NCR3LG1: variants seen among roughly 807,000 people sequenced by gnomAD.
NCR3LG1 encodes natural cytotoxicity triggering receptor 3 ligand 1.
In NCR3LG1, 35 loss-of-function variants were observed where a neutral mutation model predicts 34.8. The observed-to-expected ratio is 1.01, with a 90% CI of 0.77 to 1.33. The LOEUF is 1.33. Among genes scored for constraint, NCR3LG1 ranks in the 40% most tolerant of loss-of-function variants. NCR3LG1 has a pLI of 0.00. For synonymous variants in NCR3LG1, 173 were observed against 163.6 expected, an observed-to-expected ratio of 1.06 and a Z score of -0.44; for missense variants, 452 against 423.3, an observed-to-expected ratio of 1.07 and a Z score of -0.60.
At chr11:17,370,446 A>G (rs942675742) in intron 4 of NCR3LG1, among the ~76,000 whole-genome samples, 1 of 152,222 alleles carries the variant, frequency 6.6e-6, no homozygotes, top group African/African-American at 2.4e-5. Context: ...CTTTCATTTC[A>G]GAGGCTTCTT....
downstream of NCR3LG1, chr11:17,380,651 A>T (rs1803366059): frequency 6.6e-6 from 1 of 151,198 alleles, no homozygotes; most frequent in African/African-American, 2.4e-5. Context: ...ATGCCTGTCT[A>T]ATTTTTTGTT....
rs1289017916 is a variant in NCR3LG1 at position 17,373,256 on chromosome 11, A to G, written c.*744A>G. 6.6e-6 allele frequency: 1 copy of G among 152,298 alleles called. No individual in the cohort carries two copies. Among genetic ancestry groups the G allele is most frequent in the African/African-American group, 2.4e-5 (1 of 41,452 alleles). The allele number at this position is 152,298 out of a possible 1,614,324, so 9.4% of individuals were successfully genotyped here. ...GGAGGAGGCCCAGGGGAAGGAGAGG[A>G]AACACAAGAAAAAGGCAGAGACTCT... On this transcript the variant is annotated 3_prime_UTR_variant, in exon 5 of 5. Transcript: ENST00000338965.
Position 17,368,933 on chromosome 11 carries a change from T to A in NCR3LG1, c.827T>A (p.Val276Asp). Residue 276 changes from valine (V) to aspartate (D), a missense_variant, in exon 4 of 5, where the codon GTT becomes GAT. Physicochemically the swap from Val to Asp is radical, Grantham distance 152. Transcript: ENST00000338965. ...ATTTCATTCATTGGTGTTGGACTGG[T>A]TTTATTAATTGTTTTGATTCCTTGG... is the stretch of plus-strand genomic sequence containing the variant. ...WPISFIGVGL[V>D]LLIVLIPWKK... 2.0e-6 allele frequency: 3 copies of A among 1,534,702 alleles called. No individual in the cohort carries two copies. Among genetic ancestry groups the A allele is most frequent in the Non-Finnish European group, 2.6e-6 (3 of 1,145,640 alleles).
rs758388056 is a variant in NCR3LG1, at chr11:17,352,032, G to A, written c.63G>A (p.Thr21=). ...AALLILLWAL[T]TEGDLKVEMM... is the part of the protein sequence containing the mutation. ...TCCTGATTCTGCTGTGGGCGCTGACGACCGAAGGTAGGGGGCGGCTGGGGT... is the reference window on the plus strand; with the variant it reads ...TCCTGATTCTGCTGTGGGCGCTGACAACCGAAGGTAGGGGGCGGCTGGGGT... Residue 21 remains threonine, a synonymous_variant, in exon 1 of 5, where the codon ACG becomes ACA. Transcript: ENST00000338965. The A allele has an allele frequency of 9.9e-5, 59 of 598,334 alleles. 1 individual carries two copies. Among genetic ancestry groups the A allele is most frequent in the South Asian group, 8.5e-4 (56 of 65,698 alleles). 37.1% of individuals were successfully genotyped at this position (598,334 alleles called of 1,614,324 possible). A position where few individuals can be genotyped will look rare whatever the true frequency, so the allele number is the denominator to read the frequency against.
Position 17,355,992 on chromosome 11 carries a change from G to A in NCR3LG1, c.71-659G>A, listed in dbSNP as rs146130140. ...TATTTTTATTTTTTTGTAGAGACAAGGTCCCATTATATTGCCTAGTCTGGT... is the reference window on the plus strand; with the variant it reads ...TATTTTTATTTTTTTGTAGAGACAAAGTCCCATTATATTGCCTAGTCTGGT... On this transcript the variant is annotated intron_variant, in intron 1 of 4. Transcript: ENST00000338965. 6.1e-3 allele frequency among the ~76,000 whole-genome samples: 933 copies of A among 151,968 alleles called. 14 individuals are homozygous for A. The highest frequency in any genetic ancestry group is 0.021 in the African/African-American group (853 of 41,452).
In NCR3LG1 at chr11:17,367,028, G is replaced by T. The variant is rs1368817954; in HGVS notation, c.441G>T (p.Leu147Phe). ...TGACAGCTTCCCCAGCCAGCAGATT[G>T]TTGCTGGATCAAGTGGGCATGAAAG... ...LEVVASPASRLLLDQVGMKEN... is the reference protein window; with the variant it reads ...LEVVASPASRFLLDQVGMKEN... Residue 147 changes from leucine to phenylalanine, a missense_variant, in exon 3 of 5, where the codon TTG becomes TTT. Physicochemically the swap from Leu to Phe is conservative, Grantham distance 22 (BLOSUM62 0). Coordinates refer to ENST00000338965, the MANE Select transcript of NCR3LG1 (RefSeq NM_001202439.3). The T allele has an allele frequency of 2.6e-6, 4 of 1,532,430 alleles. No individual in the cohort carries two copies. In the Admixed American group the frequency reaches 7.9e-5, roughly 30 times the overall value. 94.9% of individuals were successfully genotyped at this position (1,532,430 alleles called of 1,614,324 possible).
rs1159645619 is a variant in NCR3LG1 at position 17,374,030 on chromosome 11, A to G, written c.*1518A>G. ...AAGTAGAAAAGGGCTAGACGCCAGC[A>G]TTGATAACCTAAAGGCACAAGGCCT... is the stretch of plus-strand genomic sequence containing the variant. On this transcript the variant is annotated 3_prime_UTR_variant, in exon 5 of 5. Coordinates refer to ENST00000338965, the MANE Select transcript of NCR3LG1 (RefSeq NM_001202439.3). The G allele has an allele frequency of 6.6e-6, 1 of 152,158 alleles. No individual in the cohort carries two copies. 9.4% of individuals were successfully genotyped at this position (152,158 alleles called of 1,614,324 possible). A position where few individuals can be genotyped will look rare whatever the true frequency, so the allele number is the denominator to read the frequency against.
chr11:17,366,654 G>A (rs141588856), intron 2 of NCR3LG1, among the ~76,000 whole-genome samples: 8 of 152,312 alleles, frequency 5.3e-5, no homozygotes, highest in African/African-American at 1.9e-4. Flanking sequence ...GTCACAGCAT[G>A]TCAGTACCCG....
At chr11:17,352,339 C>T (rs1953147061) in intron 1 of NCR3LG1, among the ~76,000 whole-genome samples, 1 of 152,074 alleles carries the variant, frequency 6.6e-6, no homozygotes, top group Admixed American at 6.6e-5. Flanking sequence ...CGCCACCATG[C>T]CCGGCTAATT....
Position 17,376,017 on chromosome 11 carries a change from A to G in NCR3LG1, c.*3505A>G, listed in dbSNP as rs1953472967. ...AAAGCATAAGACATCAGTGCATCCA[A>G]AGATTGTTCTCAGGAGAAAATCTAC... On this transcript the variant is annotated 3_prime_UTR_variant, in exon 5 of 5. Transcript: ENST00000338965. The G allele has an allele frequency of 6.6e-6, 1 of 152,210 alleles. No homozygotes were observed. The allele number at this position is 152,210 out of a possible 1,614,324, so 9.4% of individuals were successfully genotyped here.
intron 2 of NCR3LG1, among the ~76,000 whole-genome samples, chr11:17,364,255 C>T (rs1037908217): frequency 6.6e-6 from 1 of 152,030 alleles, no homozygotes; most frequent in African/African-American, 2.4e-5. Context: ...AGTGCAATGG[C>T]GGGATCTTGG....
intron 4 of NCR3LG1, 134 bp downstream of exon 4, chr11:17,369,098 C>T (rs769167521): frequency 1.3e-5 from 8 of 610,734 alleles, no homozygotes; most frequent in Non-Finnish European, 1.7e-5. Context: ...TCTTCACCAT[C>T]AGGTGTTGGG....
At chr11:17,352,873 G>C (rs900447000) in intron 1 of NCR3LG1, among the ~76,000 whole-genome samples, 2 of 152,028 alleles carry the variant, frequency 1.3e-5, no homozygotes, top group African/African-American at 2.4e-5. Context: ...GCTGAAACGC[G>C]TATGTAGAGA....
chr11:17,355,928 G>C (rs1036884394), intron 1 of NCR3LG1, among the ~76,000 whole-genome samples: 1 of 152,032 alleles, frequency 6.6e-6, no homozygotes, highest in Non-Finnish European at 1.5e-5. Flanking sequence ...CTCCCAAGTA[G>C]CTGGGACTAC....
At chr11:17,371,269 T>A (rs143481707) in intron 4 of NCR3LG1, among the ~76,000 whole-genome samples, 30 of 152,228 alleles carry the variant, frequency 2.0e-4, no homozygotes, top group African/African-American at 7.2e-4. Flanking sequence ...TCCTAACATT[T>A]CAAACCCTAT....
rs1355345657 is a variant in NCR3LG1, at chr11:17,375,562, C to G, written c.*3050C>G. On this transcript the variant is annotated 3_prime_UTR_variant, in exon 5 of 5. Transcript: ENST00000338965. The stretch of plus-strand genomic sequence containing the variant: ...CTCCAAGTGTACCTTTCTAGTTCTC[C>G]TTGCCCATGCTGCCATCTGAAAGGA... 1 of 152,240 alleles carries G rather than the reference C, an allele frequency of 6.6e-6. No homozygotes were observed. Among genetic ancestry groups the G allele is most frequent in the East Asian group, 1.9e-4 (1 of 5,200 alleles). 9.4% of individuals were successfully genotyped at this position (152,240 alleles called of 1,614,324 possible).
At position 17,375,875 on chromosome 11, in the gene NCR3LG1, C is replaced by G. The variant is rs764693950; in HGVS notation, c.*3363C>G. 4 of 152,154 alleles carry G rather than the reference C, an allele frequency of 2.6e-5. No homozygotes were observed. Among genetic ancestry groups the G allele is most frequent in the Non-Finnish European group, 5.9e-5 (4 of 68,032 alleles). 9.4% of individuals were successfully genotyped at this position (152,154 alleles called of 1,614,324 possible). A position where few individuals can be genotyped will look rare whatever the true frequency, so the allele number is the denominator to read the frequency against. ...CCTACAGAGATAGAATGGGCCACCT[C>G]TCGAGGTATACTTTTCAACCCTCAG... On this transcript the variant is annotated 3_prime_UTR_variant, in exon 5 of 5. Transcript: ENST00000338965.
chr11:17,366,076 C>T (rs566039771), intron 2 of NCR3LG1, among the ~76,000 whole-genome samples: 2 of 152,286 alleles, frequency 1.3e-5, no homozygotes, highest in African/African-American at 4.8e-5. Flanking sequence ...GATGACCTCT[C>T]ATGTGAGAGG....
In NCR3LG1 at chr11:17,368,860, T is replaced by G. The variant is rs972884988; in HGVS notation, c.761-7T>G. The G allele has an allele frequency of 1.1e-5, 16 of 1,519,386 alleles. No homozygotes were observed. Among genetic ancestry groups the G allele is most frequent in the Non-Finnish European group, 1.4e-5 (16 of 1,131,702 alleles). 94.1% of individuals were successfully genotyped at this position (1,519,386 alleles called of 1,614,324 possible). ...TTCCTGCTAATGTTTTCCTTCTCTC[T>G]CTGCAGAAACTGAGAAGACAGATAA... On this transcript the variant is annotated splice_region_variant and splice_polypyrimidine_tract_variant and intron_variant, in intron 3 of 4. Coordinates refer to ENST00000338965, the MANE Select transcript of NCR3LG1 (RefSeq NM_001202439.3).
Sources: gnomAD v4.1 joint callset for allele counts (sites outside exome capture counted in the v4.1 genomes callset) on GRCh38, gnomAD v4.1.1 for gene constraint, MANE v1.5 for transcripts, NCBI Gene and HGNC (gene_info 2026-07-23, HGNC 2026-07-21) for gene names.